BMP6: variants seen among roughly 807,000 people sequenced by gnomAD.
BMP6 encodes the protein bone morphogenetic protein 6.
BMP6 carries 17 observed loss-of-function variants against 54.1 expected under a neutral mutation model. That is an observed-to-expected ratio of 0.31 (90% CI 0.22 to 0.47). BMP6 has a LOEUF of 0.47. Among genes scored for constraint, BMP6 ranks in the 20% least tolerant of loss-of-function variants. The pLI, the probability that BMP6 is intolerant of heterozygous loss-of-function variation, is 1.00. For missense variants in BMP6, 720 were observed against 690.4 expected, an observed-to-expected ratio of 1.04 and a Z score of -0.48; for synonymous variants, 328 against 291.2, an observed-to-expected ratio of 1.13 and a Z score of -1.28.
intron 1 of BMP6, among the ~76,000 whole-genome samples, chr6:7,834,185 C>CT (rs34020369): frequency 1.3e-3 from 144 of 107,588 alleles, no homozygotes; most frequent in African/African-American, 4.3e-3. Context: ...AGAACAAATG[C>CT]TTTTTTTTTT....
At position 7,766,966 on chromosome 6, in the gene BMP6, T is replaced by TA. The variant is rs199611072; in HGVS notation, c.664+39347_664+39348insA. Among the ~76,000 whole-genome samples the TA allele has an allele frequency of 3.7e-3, 539 of 147,406 alleles. 1 individual carries two copies. Among genetic ancestry groups the TA allele is most frequent in the African/African-American group, 0.013 (520 of 40,420 alleles). On this transcript the variant is annotated intron_variant, in intron 1 of 6. Coordinates refer to ENST00000283147, the MANE Select transcript of BMP6 (RefSeq NM_001718.6). ...TTATTTTTATTTTTTATTTATTTAT[T>TA]TATTTTTTTAAATGATAGTTTGTTT...
intron 1 of BMP6, among the ~76,000 whole-genome samples, chr6:7,733,293 G>C (rs1231046796): frequency 2.6e-5 from 4 of 152,124 alleles, no homozygotes. Context: ...TTCCTCTTCT[G>C]TTCAGAATTT....
At position 7,881,530 on chromosome 6, in the gene BMP6, G is replaced by A. The variant is rs200877924; in HGVS notation, c.*1187G>A. Reference sequence around the variant, plus strand: ...GAAAGACCAGACTTTTAAAAAAAAAGAGTTTATTTAGAAAGTATCATAGTG... The same window carrying A: ...GAAAGACCAGACTTTTAAAAAAAAAAAGTTTATTTAGAAAGTATCATAGTG... On this transcript the variant is annotated 3_prime_UTR_variant, in exon 7 of 7. Coordinates refer to ENST00000283147, the MANE Select transcript of BMP6 (RefSeq NM_001718.6). 4.2e-5 allele frequency: 6 copies of A among 144,424 alleles called. No homozygotes were observed. The highest frequency in any genetic ancestry group is 6.2e-5 in the Non-Finnish European group (4 of 64,676). The allele number at this position is 144,424 out of a possible 1,614,324, so 8.9% of individuals were successfully genotyped here.
At chr6:7,748,689 C>T (rs868463885) in intron 1 of BMP6, among the ~76,000 whole-genome samples, 2 of 152,156 alleles carry the variant, frequency 1.3e-5, no homozygotes, top group Non-Finnish European at 2.9e-5. Context: ...AGATGTTTCC[C>T]ATTATTAAGC....
chr6:7,750,851 C>G (rs1581232296), intron 1 of BMP6, among the ~76,000 whole-genome samples: 2 of 152,300 alleles, frequency 1.3e-5, no homozygotes, highest in South Asian at 2.1e-4. Flanking sequence ...CTCTTGTCCA[C>G]TTCTGCCCCA....
intron 1 of BMP6, among the ~76,000 whole-genome samples, chr6:7,739,172 TGTG>T (rs1481749896): frequency 1.3e-5 from 2 of 152,206 alleles, no homozygotes; most frequent in African/African-American, 4.8e-5. Flanking sequence ...AGTTTTGCGT[TGTG>T]GTGACCCTGT....
At chr6:7,874,390 A>G (rs1267192720) in intron 4 of BMP6, among the ~76,000 whole-genome samples, 2 of 152,180 alleles carry the variant, frequency 1.3e-5, no homozygotes, top group Non-Finnish European at 2.9e-5. Flanking sequence ...TTCCCACTCT[A>G]GGAAATTCTC....
intron 1 of BMP6, among the ~76,000 whole-genome samples, chr6:7,754,806 C>A (rs1208995489): frequency 6.6e-6 from 1 of 152,118 alleles, no homozygotes; most frequent in Non-Finnish European, 1.5e-5. Flanking sequence ...CAAGCTCCGC[C>A]CCCCAGGTTC....
At chr6:7,821,718 G>A (rs993168700) in intron 1 of BMP6, among the ~76,000 whole-genome samples, 2 of 152,132 alleles carry the variant, frequency 1.3e-5, no homozygotes, top group Non-Finnish European at 2.9e-5. Context: ...TACCATGTGT[G>A]GTGATTATAA....
At chr6:7,774,010 C>T (rs984013641) in intron 1 of BMP6, among the ~76,000 whole-genome samples, 22 of 152,214 alleles carry the variant, frequency 1.4e-4, no homozygotes, top group African/African-American at 4.8e-4. Flanking sequence ...TCCAGAGAGA[C>T]GTGGTCATTC....
chr6:7,813,659 AAAAAAAAAAAC>A lies in BMP6; in HGVS notation c.665-31480_665-31470del, dbSNP rs1252662213. The stretch of plus-strand genomic sequence containing the variant: ...CCCTGTCTCAAAAAAAAAAAAAAAA[AAAAAAAAAAAC>A]CCACCAAACCCAGTATAGAAAATAT... On this transcript the variant is annotated intron_variant, in intron 1 of 6. Coordinates refer to ENST00000283147, the MANE Select transcript of BMP6 (RefSeq NM_001718.6). Among the ~76,000 whole-genome samples the A allele has an allele frequency of 4.8e-5, 7 of 144,888 alleles. 1 individual carries two copies. Among genetic ancestry groups the A allele is most frequent in the Admixed American group, 1.4e-4 (2 of 14,328 alleles).
intron 1 of BMP6, among the ~76,000 whole-genome samples, chr6:7,804,653 G>C (rs1227449742): frequency 6.6e-6 from 1 of 152,072 alleles, no homozygotes; most frequent in African/African-American, 2.4e-5. Context: ...GCAAACATCT[G>C]GTGTCTTTTA....
rs115215604 is a variant in BMP6, at chr6:7,736,415, T to C, written c.664+8796T>C. 6.3e-3 allele frequency among the ~76,000 whole-genome samples: 957 copies of C among 152,350 alleles called. 7 individuals are homozygous for C. The highest frequency in any genetic ancestry group is 0.021 in the African/African-American group (884 of 41,574). On this transcript the variant is annotated intron_variant, in intron 1 of 6. Transcript: ENST00000283147. ...TTAAATATTTTTCCTTTCTGAAAAC[T>C]TACATTAAAACTTAATGTGACTTTA...
intron 1 of BMP6, among the ~76,000 whole-genome samples, chr6:7,843,802 A>G (rs1759016032): frequency 6.6e-6 from 1 of 152,222 alleles, no homozygotes; most frequent in African/African-American, 2.4e-5. Flanking sequence ...ATAGACACCT[A>G]AAATCTGACT....
chr6:7,768,597 T>C (rs1319521460), intron 1 of BMP6, among the ~76,000 whole-genome samples: 1 of 152,198 alleles, frequency 6.6e-6, no homozygotes, highest in Admixed American at 6.5e-5. Context: ...CCTCAACATA[T>C]GTGTTCACCA....
At chr6:7,751,647 G>A (rs1298088428) in intron 1 of BMP6, among the ~76,000 whole-genome samples, 2 of 152,156 alleles carry the variant, frequency 1.3e-5, no homozygotes, top group Non-Finnish European at 2.9e-5. Flanking sequence ...TGGAACAACC[G>A]TAGCATGTTA....
Position 7,727,075 on chromosome 6 carries a change from G to A in BMP6, c.120G>A (p.Gly40=), listed in dbSNP as rs1295108464. 4.0e-6 allele frequency: 5 copies of A among 1,246,166 alleles called. No individual in the cohort carries two copies. Among genetic ancestry groups the A allele is most frequent in the African/African-American group, 3.1e-5 (2 of 63,714 alleles). The allele number at this position is 1,246,166 out of a possible 1,614,324, so 77.2% of individuals were successfully genotyped here. The part of the protein sequence containing the change: ...PLPAAAAAAA[G]GQLLGDGGSP... ...CCGCTGCCGCGGCCGCCGCCGCCGG[G>A]GGGCAGCTGCTGGGGGACGGCGGGA... is the stretch of plus-strand genomic sequence containing the variant. The change falls in exon 1 of 7, where the codon GGG becomes GGA. Residue 40 remains glycine, a synonymous_variant. Coordinates refer to ENST00000283147, the MANE Select transcript of BMP6 (RefSeq NM_001718.6).
chr6:7,811,181 G>A (rs1007035696), intron 1 of BMP6, among the ~76,000 whole-genome samples: 3 of 152,182 alleles, frequency 2.0e-5, no homozygotes, highest in African/African-American at 7.2e-5. Flanking sequence ...GTCTTGAGAA[G>A]GCATCCACCT....
chr6:7,843,949 T>C (rs948469186), intron 1 of BMP6, among the ~76,000 whole-genome samples: 2 of 152,252 alleles, frequency 1.3e-5, no homozygotes, highest in African/African-American at 4.8e-5. Flanking sequence ...CAACGTGATT[T>C]GATATACTAA....
Sources: gnomAD v4.1 joint callset for allele counts (sites outside exome capture counted in the v4.1 genomes callset) on GRCh38, gnomAD v4.1.1 for gene constraint, MANE v1.5 for transcripts, NCBI Gene and HGNC (gene_info 2026-07-23, HGNC 2026-07-21) for gene names.